Variants in DENND1B observed in about 807,000 individuals in gnomAD.
DENND1B encodes the protein DENN domain containing 1B, also known as DENN domain-containing protein 1B.
DENND1B carries 59 observed loss-of-function variants against 90.1 expected under a neutral mutation model. The observed-to-expected ratio is 0.65, with a 90% confidence interval of 0.53 to 0.81. DENND1B has a LOEUF of 0.81. Ranked by LOEUF, DENND1B falls within the 40% of genes least tolerant of loss-of-function variation. The probability of loss-of-function intolerance (pLI) is 0.00; values close to 1 mark genes in which losing one functional copy is unlikely to be tolerated. For synonymous variants in DENND1B, 337 were observed against 324.6 expected, an observed-to-expected ratio of 1.04 and a Z score of -0.41; for missense variants, 862 against 912.6, an observed-to-expected ratio of 0.94 and a Z score of 0.71.
At chr1:197,594,174 G>A (rs755812065) in intron 14 of DENND1B, among the ~76,000 whole-genome samples, 2 of 152,040 alleles carry the variant, frequency 1.3e-5, no homozygotes, top group East Asian at 1.9e-4. Context: ...AAATAGCAGC[G>A]GATCTGCCCA....
intron 12 of DENND1B, among the ~76,000 whole-genome samples, chr1:197,607,636 CA>C (rs138899683): frequency 0.024 from 3,560 of 150,576 alleles, 148 homozygotes; most frequent in African/African-American, 0.081. Context: ...ATATTCTATA[CA>C]AAAAGGTATA....
rs780190790 is a variant in DENND1B at position 197,553,107 on chromosome 1, G to A, written c.1155C>T (p.Ile385=). ...AINLQLFKQF[I]DGRLAKLNAG... ...CATTTAGTTTTGCCAGTCGACCATC[G>A]ATAAACTAGAATTAAAAAGTGTCAA... The change falls in exon 16 of 23, where the codon ATC becomes ATT. Residue 385 remains isoleucine (I), a synonymous_variant. Coordinates refer to ENST00000620048, the MANE Select transcript of DENND1B (RefSeq NM_001195215.2). 2.5e-5 allele frequency: 38 copies of A among 1,518,044 alleles called. No individual in the cohort carries two copies. Among genetic ancestry groups the A allele is most frequent in the African/African-American group, 1.7e-4 (12 of 69,558 alleles). The allele number at this position is 1,518,044 out of a possible 1,614,324, so 94.0% of individuals were successfully genotyped here.
chr1:197,585,108 G>A (rs1026659701), intron 14 of DENND1B, among the ~76,000 whole-genome samples: 48 of 151,994 alleles, frequency 3.2e-4, no homozygotes, highest in South Asian at 2.1e-4. Context: ...ATAATCTATC[G>A]GAGGAAGGCA....
intron 8 of DENND1B, among the ~76,000 whole-genome samples, chr1:197,646,817 C>T (rs531878570): frequency 5.3e-5 from 8 of 152,082 alleles, no homozygotes; most frequent in Admixed American, 6.6e-5. Context: ...GCAAAGATTT[C>T]GGTCTCTATA....
At chr1:197,521,240 T>C (rs1163891519) in intron 20 of DENND1B, among the ~76,000 whole-genome samples, 1 of 151,910 alleles carries the variant, frequency 6.6e-6, no homozygotes, top group African/African-American at 2.4e-5. Context: ...TTCACTGCAA[T>C]GGTTTCCAGA....
intron 10 of DENND1B, among the ~76,000 whole-genome samples, chr1:197,627,516 A>T (rs1678880262): frequency 6.6e-6 from 1 of 152,192 alleles, no homozygotes; most frequent in Non-Finnish European, 1.5e-5. Flanking sequence ...TTAGGTATTG[A>T]TGGGACATAT....
At chr1:197,623,575 A>G (rs777742352) in intron 10 of DENND1B, among the ~76,000 whole-genome samples, 1 of 151,544 alleles carries the variant, frequency 6.6e-6, no homozygotes, top group Non-Finnish European at 1.5e-5. Flanking sequence ...TACATTTTTT[A>G]AAAATAGAAT....
Position 197,715,074 on chromosome 1 carries a change from T to A in DENND1B, c.83A>T (p.Asp28Val), listed in dbSNP as rs763340758. The part of the protein sequence containing the change: ...KVKCHASENE[D>V]PVVLWKFPED... Reference sequence around the variant, plus strand: ...TGGGAATTTCCACAATACCACAGGATCTGTAAATAATTGACATGTATAATT... The same window carrying A: ...TGGGAATTTCCACAATACCACAGGAACTGTAAATAATTGACATGTATAATT... The change falls in exon 3 of 23, where the codon GAT (aspartate) becomes GTT (valine). Residue 28 changes from aspartate to valine, a missense_variant and splice_region_variant. Coordinates refer to ENST00000620048, the MANE Select transcript of DENND1B (RefSeq NM_001195215.2). 13 of 1,610,780 alleles carry A rather than the reference T, an allele frequency of 8.1e-6. No homozygotes were observed. Among genetic ancestry groups the A allele is most frequent in the Non-Finnish European group, 1.1e-5 (13 of 1,177,938 alleles).
intron 9 of DENND1B, among the ~76,000 whole-genome samples, chr1:197,643,813 C>T (rs1021321940): frequency 1.3e-5 from 2 of 152,200 alleles, no homozygotes; most frequent in African/African-American, 4.8e-5. Flanking sequence ...TTAACTTTGA[C>T]TTTTAGATCT....
At chr1:197,696,316 AT>A (rs759732701) in intron 3 of DENND1B, among the ~76,000 whole-genome samples, 2 of 151,590 alleles carry the variant, frequency 1.3e-5, no homozygotes, top group Non-Finnish European at 3.0e-5. Flanking sequence ...GATTTGATTA[AT>A]TAATGGAATT....
chr1:197,735,568 A>G, intron 2 of DENND1B: 1 of 1,614,072 alleles, frequency 6.2e-7, no homozygotes, highest in South Asian at 1.1e-5. Context: ...GACTTTTATG[A>G]ATTCTAAAGG....
intron 10 of DENND1B, among the ~76,000 whole-genome samples, chr1:197,633,873 T>C (rs570821679): frequency 3.4e-4 from 52 of 152,270 alleles, no homozygotes; most frequent in African/African-American, 1.2e-3. Flanking sequence ...TCCTAGTTAA[T>C]AGCTTCACCT....
chr1:197,781,517 C>T, the DENND1B span, among the ~76,000 whole-genome samples: 2 of 152,168 alleles, frequency 1.3e-5, no homozygotes, highest in African/African-American at 4.8e-5. Flanking sequence ...TTAAGGAAAA[C>T]ATCCTCCTGG....
intron 2 of DENND1B, among the ~76,000 whole-genome samples, chr1:197,743,524 T>C (rs1204735212): frequency 6.6e-6 from 1 of 152,232 alleles, no homozygotes; most frequent in Non-Finnish European, 1.5e-5. Context: ...TGCTAACTGA[T>C]CAGCCTGGGG....
Position 197,735,178 on chromosome 1 carries a change from T to C in DENND1B, c.83-20104A>G, listed in dbSNP as rs943215087. On this transcript the variant is annotated intron_variant, in intron 2 of 22. Coordinates refer to ENST00000620048, the MANE Select transcript of DENND1B (RefSeq NM_001195215.2). The stretch of plus-strand genomic sequence containing the variant: ...TAACAGAAAGGTACAAAAAACAATA[T>C]TGAATGGGTCCAACATGCCTACCAT... The C allele has an allele frequency of 8.0e-6, 8 of 1,000,602 alleles. No homozygotes were observed. The African/African-American group carries it at 1.0e-4, about 13-fold the overall frequency. 62.0% of individuals were successfully genotyped at this position (1,000,602 alleles called of 1,614,324 possible).
rs1380093883 is a variant in DENND1B at position 197,511,876 on chromosome 1, CTT to C, written c.1665_1666del (p.Arg556SerfsTer8). ...TTCACCTGAGTAAGGAGTCTTCACT[CTT>C]GTTTCAACAGAGTCATCACTCTCAT... On this transcript the variant is annotated frameshift_variant, in exon 22 of 23. Coordinates refer to ENST00000620048, the MANE Select transcript of DENND1B (RefSeq NM_001195215.2). LOFTEE classifies it high-confidence loss of function. The C allele has an allele frequency of 6.2e-7, 1 of 1,611,264 alleles. No homozygotes were observed.
rs1405081061 is a variant in DENND1B, at chr1:197,505,347, T to C, written c.*5113A>G. 6 of 151,694 alleles carry C rather than the reference T, an allele frequency of 4.0e-5. No individual in the cohort carries two copies. The highest frequency in any genetic ancestry group is 1.5e-4 in the African/African-American group (6 of 41,378). 9.4% of individuals were successfully genotyped at this position (151,694 alleles called of 1,614,324 possible). A position where few individuals can be genotyped will look rare whatever the true frequency, so the allele number is the denominator to read the frequency against. On this transcript the variant is annotated 3_prime_UTR_variant, in exon 23 of 23. Transcript: ENST00000620048. ...AAACATCATATAATCAACCAAAGTG[T>C]AGATTTGATAATGGACCTCAACAAG...
intron 3 of DENND1B, among the ~76,000 whole-genome samples, chr1:197,684,456 C>T (rs1657025457): frequency 6.6e-6 from 1 of 152,052 alleles, no homozygotes; most frequent in South Asian, 2.1e-4. Context: ...CCTCCTTGAT[C>T]CTTATACAAT....
intron 3 of DENND1B, among the ~76,000 whole-genome samples, chr1:197,705,746 A>ATG (rs1659468822): frequency 6.6e-6 from 1 of 151,512 alleles, no homozygotes; most frequent in Non-Finnish European, 1.5e-5. Flanking sequence ...ATATATATAT[A>ATG]TTGGAATGGT....
Sources: gnomAD v4.1 joint callset for allele counts (sites outside exome capture counted in the v4.1 genomes callset) on GRCh38, gnomAD v4.1.1 for gene constraint, MANE v1.5 for transcripts, NCBI Gene and HGNC (gene_info 2026-07-23, HGNC 2026-07-21) for gene names.